Variants in PHACTR3 observed in about 807,000 individuals in gnomAD.
The protein encoded by PHACTR3 is protein phosphatase 1, regulatory subunit 123.
A neutral mutation model predicts 66.8 loss-of-function variants in PHACTR3; 16 were observed. The ratio of observed to expected loss-of-function variants is 0.24; its 90% CI spans 0.16 to 0.36. PHACTR3 has a LOEUF of 0.36. PHACTR3 is among the 10% of genes least tolerant of loss of function. The probability of loss-of-function intolerance (pLI) is 1.00; values close to 1 mark genes in which losing one functional copy is unlikely to be tolerated. For synonymous variants in PHACTR3, 323 were observed against 292.1 expected, an observed-to-expected ratio of 1.11 and a Z score of -1.08; for missense variants, 647 against 719.9, an observed-to-expected ratio of 0.90 and a Z score of 1.16.
chr20:59,655,791 T>A (rs1225680049), intron 1 of PHACTR3, among the ~76,000 whole-genome samples: 4 of 151,874 alleles, frequency 2.6e-5, no homozygotes, highest in Admixed American at 6.6e-5. Flanking sequence ...AGCTATAGGC[T>A]TCTATTTAAG....
chr20:59,578,789 A>G (rs534375690), intron 1 of PHACTR3, among the ~76,000 whole-genome samples: 36 of 152,300 alleles, frequency 2.4e-4, no homozygotes, highest in Admixed American at 4.6e-4. Flanking sequence ...TTTGGGGGAC[A>G]CTTGAGAGCC....
At chr20:59,692,379 A>G (rs994497383) in intron 1 of PHACTR3, among the ~76,000 whole-genome samples, 4 of 152,136 alleles carry the variant, frequency 2.6e-5, no homozygotes, top group South Asian at 4.2e-4. Context: ...TCAACTTATA[A>G]ATAGCCTCAG....
chr20:59,747,346 C>G (rs936634328), intron 2 of PHACTR3, among the ~76,000 whole-genome samples: 1 of 152,190 alleles, frequency 6.6e-6, no homozygotes, highest in Non-Finnish European at 1.5e-5. Context: ...AGGCACTTCG[C>G]AAAGGCGAAC....
chr20:59,685,396 C>T (rs535354684), intron 1 of PHACTR3, among the ~76,000 whole-genome samples: 3 of 152,296 alleles, frequency 2.0e-5, no homozygotes, highest in African/African-American at 7.2e-5. Context: ...GGGTTTGAAC[C>T]CTGTCTCTAC....
chr20:59,697,301 A>G (rs998923730), intron 1 of PHACTR3, among the ~76,000 whole-genome samples: 6 of 152,166 alleles, frequency 3.9e-5, no homozygotes, highest in African/African-American at 1.2e-4. Context: ...CGATTGCATC[A>G]TATTGTATTG....
chr20:59,834,677 T>C (rs2042475170), intron 8 of PHACTR3, among the ~76,000 whole-genome samples: 2 of 152,290 alleles, frequency 1.3e-5, no homozygotes, highest in East Asian at 3.9e-4. Context: ...ACTGGTTTCT[T>C]CTCTTCATTT....
At chr20:59,597,955 C>T (rs529685695) in intron 1 of PHACTR3, among the ~76,000 whole-genome samples, 10 of 152,370 alleles carry the variant, frequency 6.6e-5, no homozygotes, top group African/African-American at 2.4e-4. Context: ...GCCCCAGAAG[C>T]CTGTTCCTCT....
At chr20:59,634,495 A>C (rs2034778926) in intron 1 of PHACTR3, among the ~76,000 whole-genome samples, 2 of 152,196 alleles carry the variant, frequency 1.3e-5, no homozygotes, top group African/African-American at 4.8e-5. Context: ...ACAGCATGGA[A>C]TGAGGAGGAG....
At chr20:59,730,470 T>C (rs144396360) in intron 1 of PHACTR3, among the ~76,000 whole-genome samples, 124 of 152,188 alleles carry the variant, frequency 8.1e-4, no homozygotes, top group African/African-American at 2.7e-3. Context: ...TGTGATGTCA[T>C]GTGGGGAGCA....
chr20:59,831,173 T>C (rs1358482059), intron 8 of PHACTR3, among the ~76,000 whole-genome samples: 1 of 152,188 alleles, frequency 6.6e-6, no homozygotes, highest in Non-Finnish European at 1.5e-5. Flanking sequence ...TGGTGCCCCC[T>C]TGGCCCCCAG....
intron 1 of PHACTR3, among the ~76,000 whole-genome samples, chr20:59,678,219 T>C (rs1223701613): frequency 1.3e-5 from 2 of 152,200 alleles, no homozygotes; most frequent in Non-Finnish European, 2.9e-5. Context: ...GAGTCTATAT[T>C]ATACACCTTC....
At chr20:59,773,505 C>G (rs776392407) in intron 6 of PHACTR3, 52 bp downstream of exon 6, 1 of 1,524,738 alleles carries the variant, frequency 6.6e-7, no homozygotes, top group Middle Eastern at 2.1e-4. Context: ...CCCTGCCTGG[C>G]CAGCCTCAGG....
At chr20:59,674,986 C>A (rs1241456024) in intron 1 of PHACTR3, among the ~76,000 whole-genome samples, 1 of 44,958 alleles carries the variant, frequency 2.2e-5, no homozygotes, top group Non-Finnish European at 4.2e-5. Flanking sequence ...CTGTTCCCCC[C>A]TCTCCTGTTC....
chr20:59,604,785 C>T lies in PHACTR3; in HGVS notation c.-230C>T. 1 of 1,199,228 alleles carries T rather than the reference C, an allele frequency of 8.3e-7. No individual in the cohort carries two copies. Among genetic ancestry groups the T allele is most frequent in the Non-Finnish European group, 1.0e-6 (1 of 969,632 alleles). 74.3% of individuals were successfully genotyped at this position (1,199,228 alleles called of 1,614,324 possible). On this transcript the variant is annotated 5_prime_UTR_variant, in exon 1 of 13. Coordinates refer to ENST00000371015, the MANE Select transcript of PHACTR3 (RefSeq NM_080672.5). ...AATAACAAAGCGAGGCCGCGCACGC[C>T]GGGATGCGCCTGGCTGCAGCCGGCG...
chr20:59,591,161 TC>T (rs925046536), intron 1 of PHACTR3, among the ~76,000 whole-genome samples: 2 of 152,106 alleles, frequency 1.3e-5, no homozygotes, highest in African/African-American at 4.8e-5. Context: ...TGAGGCAGCC[TC>T]CCCAGCAATT....
intron 4 of PHACTR3, among the ~76,000 whole-genome samples, chr20:59,759,065 G>C (rs1000812330): frequency 6.6e-6 from 1 of 152,140 alleles, no homozygotes; most frequent in Admixed American, 6.5e-5. Context: ...GGAAAGGGAC[G>C]CACTAACACG....
In PHACTR3 at chr20:59,773,348, C is replaced by T. The variant is rs199947940; in HGVS notation, c.821C>T (p.Thr274Ile). 194 of 1,614,108 alleles carry T rather than the reference C, an allele frequency of 1.2e-4. No individual in the cohort carries two copies. Among genetic ancestry groups the T allele is most frequent in the Non-Finnish European group, 2.8e-5 (33 of 1,180,046 alleles). ...ADPSLRGQLS[T>I]PTGSPHLTTV... ...CCTTCCCTCCGGGGCCAGCTCTCCA[C>T]ACCCACGGGGTCTCCGCATCTCACC... The change falls in exon 6 of 13, where the codon ACA (threonine) becomes ATA (isoleucine). Residue 274 changes from threonine to isoleucine, a missense_variant. Physicochemically the swap from Thr to Ile is moderately conservative, Grantham distance 89. This residue lies in a region of PHACTR3 where 577 missense variants were observed against 571.1 expected (regional missense o/e 1.01). Transcript: ENST00000371015.
chr20:59,777,521 G>A (rs1425278892), intron 7 of PHACTR3, among the ~76,000 whole-genome samples: 8 of 152,192 alleles, frequency 5.3e-5, no homozygotes. Flanking sequence ...ACTTGGCCCT[G>A]GGCAGGTCCC....
chr20:59,584,918 C>A (rs1377729367), intron 1 of PHACTR3, among the ~76,000 whole-genome samples: 4 of 152,190 alleles, frequency 2.6e-5, no homozygotes, highest in Non-Finnish European at 5.9e-5. Context: ...AGCCCCCACC[C>A]CCTCAGCAGC....
Sources: gnomAD v4.1 joint callset for allele counts (sites outside exome capture counted in the v4.1 genomes callset) on GRCh38, gnomAD v4.1.1 for gene constraint, gnomAD v4.1.1 regional missense constraint, MANE v1.5 for transcripts, NCBI Gene and HGNC (gene_info 2026-07-23, HGNC 2026-07-21) for gene names.